Variants in UBASH3B observed in about 807,000 individuals in gnomAD.
The protein encoded by UBASH3B is ubiquitin-associated and SH3 domain-containing protein B.
UBASH3B carries 37 observed loss-of-function variants against 83.4 expected under a neutral mutation model. That is an observed-to-expected ratio of 0.44 (90% confidence interval 0.34 to 0.58). The LOEUF is 0.58. Among genes scored for constraint, UBASH3B ranks in the 20% least tolerant of loss-of-function variants. UBASH3B has a pLI of 0.01. For missense variants in UBASH3B, 657 were observed against 827.2 expected (o/e 0.79, Z 2.52); for synonymous variants, 304 against 318.3 (o/e 0.96, Z 0.48).
At chr11:122,791,696 A>G (rs996973950) in intron 6 of UBASH3B, among the ~76,000 whole-genome samples, 3 of 152,170 alleles carry the variant, frequency 2.0e-5, no homozygotes, top group Non-Finnish European at 4.4e-5. Context: ...GTAGAGCCCC[A>G]GGGGGATGTC....
At chr11:122,717,602 C>T (rs1860546686) in intron 1 of UBASH3B, among the ~76,000 whole-genome samples, 1 of 152,202 alleles carries the variant, frequency 6.6e-6, no homozygotes, top group African/African-American at 2.4e-5. Flanking sequence ...TTCTCTGGTA[C>T]CCTGTGTTCA....
At chr11:122,711,237 C>T (rs1864186688) in intron 1 of UBASH3B, among the ~76,000 whole-genome samples, 1 of 152,252 alleles carries the variant, frequency 6.6e-6, no homozygotes, top group Admixed American at 6.5e-5. Context: ...ATCTCTGTAG[C>T]AGACATTTTT....
At chr11:122,687,058 G>A (rs1863818504) in intron 1 of UBASH3B, among the ~76,000 whole-genome samples, 1 of 151,860 alleles carries the variant, frequency 6.6e-6, no homozygotes, top group Admixed American at 6.6e-5. Context: ...AGTAGAGATG[G>A]GGGTTTCACC....
At chr11:122,713,354 G>T (rs915826416) in intron 1 of UBASH3B, among the ~76,000 whole-genome samples, 6 of 152,208 alleles carry the variant, frequency 3.9e-5, no homozygotes, top group Non-Finnish European at 8.8e-5. Flanking sequence ...CATGTGGTCA[G>T]CTGACTCTGC....
At chr11:122,784,571 A>G (rs1860915490) in intron 5 of UBASH3B, among the ~76,000 whole-genome samples, 2 of 152,182 alleles carry the variant, frequency 1.3e-5, no homozygotes, top group African/African-American at 2.4e-5. Flanking sequence ...CAATACTTAT[A>G]TTTGTTTCCC....
chr11:122,663,782 A>G (rs1289651358), intron 1 of UBASH3B, among the ~76,000 whole-genome samples: 1 of 152,226 alleles, frequency 6.6e-6, no homozygotes, highest in Non-Finnish European at 1.5e-5. Flanking sequence ...CTGGCTTTGA[A>G]TTCCAGCTCT....
chr11:122,723,750 T>C (rs1165432109), intron 1 of UBASH3B, among the ~76,000 whole-genome samples: 1 of 152,234 alleles, frequency 6.6e-6, no homozygotes, highest in Non-Finnish European at 1.5e-5. Context: ...CTTTCCTGTT[T>C]CCATGTGCAT....
intron 1 of UBASH3B, among the ~76,000 whole-genome samples, chr11:122,662,585 T>C (rs7932607): frequency 0.39 from 58,616 of 151,584 alleles, 11,500 homozygotes; most frequent in African/African-American, 0.43. Flanking sequence ...GCATGCACCA[T>C]CACGCCTGGC....
chr11:122,746,281 T>C (rs1466821919), intron 1 of UBASH3B, among the ~76,000 whole-genome samples: 2 of 152,110 alleles, frequency 1.3e-5, no homozygotes, highest in African/African-American at 4.8e-5. Flanking sequence ...CGTCTATGGG[T>C]GACACAGAGC....
intron 1 of UBASH3B, among the ~76,000 whole-genome samples, chr11:122,658,122 G>A (rs561221861): frequency 6.7e-6 from 1 of 148,478 alleles, no homozygotes; most frequent in African/African-American, 2.5e-5. Flanking sequence ...GTTGTAGTGA[G>A]CCAAGATCGC....
At chr11:122,773,835 A>G (rs768424809) in intron 1 of UBASH3B, among the ~76,000 whole-genome samples, 11 of 152,230 alleles carry the variant, frequency 7.2e-5, no homozygotes, top group Non-Finnish European at 1.2e-4. Flanking sequence ...GAAGAAATAA[A>G]TTAAATTTCA....
At chr11:122,671,540 A>G (rs539514356) in intron 1 of UBASH3B, among the ~76,000 whole-genome samples, 26 of 152,326 alleles carry the variant, frequency 1.7e-4, no homozygotes, top group African/African-American at 5.5e-4. Flanking sequence ...CCACAGGCCC[A>G]CAAATGGAAG....
chr11:122,741,812 C>G (rs969293491), intron 1 of UBASH3B, among the ~76,000 whole-genome samples: 5 of 152,154 alleles, frequency 3.3e-5, no homozygotes, highest in South Asian at 2.1e-4. Flanking sequence ...CTCTTCCCCC[C>G]TCCCTCCCAC....
At position 122,809,927 on chromosome 11, in the gene UBASH3B, GTCTT is replaced by G; in HGVS notation, c.*45_*48del. On this transcript the variant is annotated 3_prime_UTR_variant, in exon 14 of 14. Coordinates refer to ENST00000284273, the MANE Select transcript of UBASH3B (RefSeq NM_032873.5). ...AAGAAGGAAAGGCCTTTTGGAGTGTGTCTTTCTGTGTGTTTAAAAACAGTGGGAA... is the reference window on the plus strand; with the variant it reads ...AAGAAGGAAAGGCCTTTTGGAGTGTGTCTGTGTGTTTAAAAACAGTGGGAA... The G allele has an allele frequency of 1.9e-6, 3 of 1,600,420 alleles. No homozygotes were observed. The highest frequency in any genetic ancestry group is 2.6e-6 in the Non-Finnish European group (3 of 1,174,952).
chr11:122,779,830 A>C (rs1860819472), intron 4 of UBASH3B, 135 bp downstream of exon 4: 3 of 1,013,488 alleles, frequency 3.0e-6, no homozygotes, highest in Non-Finnish European at 4.3e-6. Flanking sequence ...GACGTGTGAC[A>C]AAAAAACAGC....
chr11:122,701,544 A>C (rs1017378029), intron 1 of UBASH3B, among the ~76,000 whole-genome samples: 4 of 151,986 alleles, frequency 2.6e-5, no homozygotes, highest in African/African-American at 9.7e-5. Context: ...CTTCCTTCTG[A>C]CACTCATCTC....
At chr11:122,663,403 A>G (rs1035292664) in intron 1 of UBASH3B, among the ~76,000 whole-genome samples, 1 of 152,234 alleles carries the variant, frequency 6.6e-6, no homozygotes, top group African/African-American at 2.4e-5. Context: ...TGAGGTTTGG[A>G]AGATTAAGTA....
intron 1 of UBASH3B, among the ~76,000 whole-genome samples, chr11:122,677,897 G>A (rs945991520): frequency 1.3e-5 from 2 of 152,152 alleles, no homozygotes; most frequent in Non-Finnish European, 2.9e-5. Flanking sequence ...TCAGCCTCCT[G>A]AGTAGCTGGG....
intron 1 of UBASH3B, among the ~76,000 whole-genome samples, chr11:122,670,269 A>G (rs11602204): frequency 0.014 from 2,099 of 152,168 alleles, 48 homozygotes; most frequent in African/African-American, 0.048. Context: ...CGGGTCACAG[A>G]GCACCAAGTC....
Sources: gnomAD v4.1 joint callset for allele counts (sites outside exome capture counted in the v4.1 genomes callset) on GRCh38, gnomAD v4.1.1 for gene constraint, MANE v1.5 for transcripts, NCBI Gene and HGNC (gene_info 2026-07-23, HGNC 2026-07-21) for gene names.